STARD9: variants seen among roughly 807,000 people sequenced by gnomAD.
STARD9 encodes the protein stAR-related lipid transfer protein 9.
In STARD9, 346 loss-of-function variants were observed where a neutral mutation model predicts 399.8. The ratio of observed to expected loss-of-function variants is 0.87; its 90% confidence interval spans 0.79 to 0.95. STARD9 has a LOEUF of 0.95. STARD9 is among the 40% of genes least tolerant of loss of function. STARD9 has a pLI of 0.00. For synonymous variants in STARD9, 2,203 were observed against 2,143.5 expected (o/e 1.03, Z -0.77); for missense variants, 5,832 against 5,667.5 (o/e 1.03, Z -0.93).
chr15:42,660,342 A>T (rs2059969575), intron 9 of STARD9, among the ~76,000 whole-genome samples: 1 of 152,196 alleles, frequency 6.6e-6, no homozygotes, highest in Admixed American at 6.5e-5. Context: ...AGGCAGGCAG[A>T]TCACCTGAGG....
intron 9 of STARD9, among the ~76,000 whole-genome samples, chr15:42,660,584 C>CA (rs79069189): frequency 0.02 from 2,502 of 122,540 alleles, 48 homozygotes; most frequent in East Asian, 0.083. Context: ...AACAGACAAA[C>CA]AAAAAAAAAA....
chr15:42,624,703 C>T (rs570558886), intron 3 of STARD9, among the ~76,000 whole-genome samples: 1 of 152,154 alleles, frequency 6.6e-6, no homozygotes, highest in East Asian at 1.9e-4. Flanking sequence ...CATGCGCCAC[C>T]ACGCCCAGCT....
chr15:42,576,098 T>G (rs1256007907), intron 1 of STARD9, among the ~76,000 whole-genome samples: 2 of 152,146 alleles, frequency 1.3e-5, no homozygotes, highest in Non-Finnish European at 2.9e-5. Context: ...ATGAGCATTC[T>G]CCTCTCTCTT....
intron 3 of STARD9, among the ~76,000 whole-genome samples, chr15:42,609,966 T>G (rs1341639382): frequency 4.0e-5 from 6 of 151,740 alleles, no homozygotes; most frequent in Non-Finnish European, 8.8e-5. Flanking sequence ...GGTGGTGGGC[T>G]CCTGTAATCC....
chr15:42,588,559 G>A (rs2058327105), intron 3 of STARD9, among the ~76,000 whole-genome samples: 1 of 152,108 alleles, frequency 6.6e-6, no homozygotes, highest in Admixed American at 6.6e-5. Context: ...ACAAGCTGGA[G>A]TGGAGCCAGA....
intron 3 of STARD9, among the ~76,000 whole-genome samples, chr15:42,588,788 T>G (rs1007066706): frequency 1.8e-3 from 42 of 23,780 alleles, no homozygotes; most frequent in African/African-American, 3.4e-3. Flanking sequence ...TTTTTTTTTT[T>G]TTTTTTTTTT....
At chr15:42,613,458 G>A (rs1017744291) in intron 3 of STARD9, among the ~76,000 whole-genome samples, 5 of 152,142 alleles carry the variant, frequency 3.3e-5, no homozygotes, top group Middle Eastern at 3.4e-3. Flanking sequence ...TAAAAAGTAT[G>A]GTTTATTTCC....
In STARD9 at chr15:42,690,666, G is replaced by C. The variant is rs2060669599; in HGVS notation, c.9088G>C (p.Val3030Leu). Residue 3030 changes from valine (V) to leucine (L), a missense_variant, in exon 23 of 33, where the codon GTT becomes CTT. By Grantham distance (32) the Val-to-Leu change is conservative. Around this residue, in one of 2 missense-constraint regions of STARD9, gnomAD observed 5,828 missense variants for 5,651.1 expected, o/e 1.03. Coordinates refer to ENST00000290607, the MANE Select transcript of STARD9 (RefSeq NM_020759.3). The part of the protein sequence containing the change: ...HLTHGLEPKD[V>L]NREFRLTESS... ...GACACATGGCCTTGAGCCCAAAGATGTTAACAGGGAATTTAGGCTAACAGA... is the reference window on the plus strand; with the variant it reads ...GACACATGGCCTTGAGCCCAAAGATCTTAACAGGGAATTTAGGCTAACAGA... The C allele has an allele frequency of 6.5e-7, 1 of 1,537,116 alleles. No homozygotes were observed. Among genetic ancestry groups the C allele is most frequent in the African/African-American group, 1.4e-5 (1 of 73,034 alleles).
intron 20 of STARD9, among the ~76,000 whole-genome samples, chr15:42,676,404 C>G (rs886728969): frequency 1.3e-5 from 2 of 152,130 alleles, no homozygotes; most frequent in African/African-American, 4.8e-5. Flanking sequence ...GCTTCCAGAA[C>G]GTATGGCTTT....
At chr15:42,646,810 T>A (rs2141972149) in intron 7 of STARD9, among the ~76,000 whole-genome samples, 1 of 152,338 alleles carries the variant, frequency 6.6e-6, no homozygotes, top group Middle Eastern at 3.4e-3. Flanking sequence ...GCTTTCGACA[T>A]GCCTTCCTTG....
chr15:42,620,059 CTT>C (rs2059056800), intron 3 of STARD9, among the ~76,000 whole-genome samples: 2 of 152,174 alleles, frequency 1.3e-5, no homozygotes, highest in Admixed American at 6.6e-5. Context: ...GTGACCATCT[CTT>C]TCCCTTGGCT....
At position 42,651,004 on chromosome 15, in the gene STARD9, C is replaced by G; in HGVS notation, c.560-12C>G. On this transcript the variant is annotated splice_polypyrimidine_tract_variant and intron_variant, in intron 7 of 32. Transcript: ENST00000290607. Reference sequence around the variant, plus strand: ...CATTTAATTTCTTTTTTCCGTTTCACAAATCCGATAGGTTTATCTCAACAT... The same window carrying G: ...CATTTAATTTCTTTTTTCCGTTTCAGAAATCCGATAGGTTTATCTCAACAT... 2.0e-6 allele frequency: 3 copies of G among 1,498,836 alleles called. No individual in the cohort carries two copies. In the South Asian group the frequency reaches 3.8e-5, roughly 19 times the overall value. The allele number at this position is 1,498,836 out of a possible 1,614,324, so 92.8% of individuals were successfully genotyped here.
At chr15:42,684,084 A>G in intron 22 of STARD9, 32 bp from the exon 23 acceptor site, 1 of 1,501,850 alleles carries the variant, frequency 6.7e-7, no homozygotes, top group Non-Finnish European at 8.9e-7. Flanking sequence ...TACCTCTCAC[A>G]TCTTCTGAGA....
chr15:42,706,362 T>A (rs1202012181), intron 26 of STARD9, among the ~76,000 whole-genome samples: 1 of 152,162 alleles, frequency 6.6e-6, no homozygotes, highest in East Asian at 1.9e-4. Context: ...AGCTATAGAT[T>A]TCTGTGAATT....
intron 1 of STARD9, among the ~76,000 whole-genome samples, chr15:42,582,180 C>T (rs1051221436): frequency 1.3e-5 from 2 of 152,170 alleles, no homozygotes; most frequent in African/African-American, 4.8e-5. Flanking sequence ...AGACCCCTGT[C>T]TCACTGTGTT....
Position 42,585,644 on chromosome 15 carries a change from T to C in STARD9, c.234+7T>C, listed in dbSNP as rs767215708. 1 of 1,475,306 alleles carries C rather than the reference T, an allele frequency of 6.8e-7. No homozygotes were observed. Among genetic ancestry groups the C allele is most frequent in the Non-Finnish European group, 9.2e-7 (1 of 1,092,246 alleles). 91.4% of individuals were successfully genotyped at this position (1,475,306 alleles called of 1,614,324 possible). A position where few individuals can be genotyped will look rare whatever the true frequency, so the allele number is the denominator to read the frequency against. ...GTATGCATCTCAAGATGTGGTAATA[T>C]CATTTATCATTTTTCTTTCACCTCA... On this transcript the variant is annotated splice_region_variant and intron_variant, in intron 3 of 32. Transcript: ENST00000290607.
In STARD9 at chr15:42,688,945, TC is replaced by T; in HGVS notation, c.7368del (p.Phe2456LeufsTer19). ...GKDLRITLLGFSTSEDFASEA... is the reference protein window; with the variant it reads ...GKDLRITLLGXSTSEDFASEA... Reference sequence around the variant, plus strand: ...GACCTCAGAATCACCTTGCTGGGTTTCAGTACCAGTGAAGATTTTGCTTCTG... The same window carrying T: ...GACCTCAGAATCACCTTGCTGGGTTTAGTACCAGTGAAGATTTTGCTTCTG... On this transcript the variant is annotated frameshift_variant, in exon 23 of 33. Coordinates refer to ENST00000290607, the MANE Select transcript of STARD9 (RefSeq NM_020759.3). LOFTEE classifies it high-confidence loss of function. 6.5e-7 allele frequency: 1 copy of T among 1,537,388 alleles called. No individual in the cohort carries two copies. The highest frequency in any genetic ancestry group is 8.7e-7 in the Non-Finnish European group (1 of 1,146,954).
chr15:42,715,092 C>A (rs1010732012), intron 26 of STARD9, among the ~76,000 whole-genome samples: 5 of 149,498 alleles, frequency 3.3e-5, no homozygotes, highest in Non-Finnish European at 5.9e-5. Context: ...AAAAAAAAAA[C>A]CACTCAGAGA....
intron 3 of STARD9, among the ~76,000 whole-genome samples, chr15:42,591,105 G>A (rs1451214052): frequency 6.6e-6 from 1 of 152,122 alleles, no homozygotes; most frequent in East Asian, 1.9e-4. Context: ...TTGTTGTGGG[G>A]GTCTGTACTG....
Sources: allele counts gnomAD v4.1 joint callset (sites outside exome capture counted in the v4.1 genomes callset), GRCh38; gene constraint gnomAD v4.1.1; regional missense constraint gnomAD v4.1.1; transcripts MANE v1.5; gene names NCBI Gene and HGNC (gene_info 2026-07-23, HGNC 2026-07-21).